FREM1: variants seen among roughly 807,000 people sequenced by gnomAD.
The protein encoded by FREM1 is FRAS1-related extracellular matrix protein 1.
In FREM1, 220 loss-of-function variants were observed where a neutral mutation model predicts 210.1. That is an observed-to-expected ratio of 1.05 (90% CI 0.94 to 1.17). FREM1 has a LOEUF of 1.17. FREM1 is among the 50% of genes most tolerant of loss of function. FREM1 has a pLI of 0.00. For synonymous variants in FREM1, 1,189 were observed against 980.2 expected (o/e 1.21, Z -3.98); for missense variants, 3,454 against 2,675.5 (o/e 1.29, Z -6.42).
chr9:14,890,578 T>C (rs1208707886), intron 1 of FREM1, among the ~76,000 whole-genome samples: 1 of 152,222 alleles, frequency 6.6e-6, no homozygotes, highest in Non-Finnish European at 1.5e-5. Context: ...CAAAACGGGT[T>C]CTTTGAGAAA....
intron 13 of FREM1, 85 bp from the exon 14 acceptor site, chr9:14,819,527 C>T: frequency 4.1e-6 from 3 of 726,934 alleles, no homozygotes; most frequent in South Asian, 2.1e-5. Context: ...GTAAAACTTC[C>T]AGTATTATCT....
At chr9:14,787,965 C>T (rs943538741) in intron 23 of FREM1, among the ~76,000 whole-genome samples, 2 of 152,128 alleles carry the variant, frequency 1.3e-5, no homozygotes, top group Non-Finnish European at 2.9e-5. Flanking sequence ...TCAATGTAAA[C>T]ATCTCAAGAT....
intron 10 of FREM1, among the ~76,000 whole-genome samples, chr9:14,831,119 G>A (rs1490039936): frequency 6.6e-6 from 1 of 152,178 alleles, no homozygotes; most frequent in Non-Finnish European, 1.5e-5. Context: ...GCCATCACGT[G>A]AGGCTGGGAA....
chr9:14,892,099 T>A (rs1032454869), intron 1 of FREM1, among the ~76,000 whole-genome samples: 1 of 152,118 alleles, frequency 6.6e-6, no homozygotes, highest in Non-Finnish European at 1.5e-5. Context: ...ACTTTCTGAG[T>A]ACCTAAGAAC....
At chr9:14,900,559 CA>C (rs1180103509) in intron 1 of FREM1, among the ~76,000 whole-genome samples, 1 of 152,004 alleles carries the variant, frequency 6.6e-6, no homozygotes, top group African/African-American at 2.4e-5. Context: ...AAGCAAGACC[CA>C]GTGTGGTGGT....
At chr9:14,807,502 G>C (rs1049752767) in intron 17 of FREM1, among the ~76,000 whole-genome samples, 7 of 152,022 alleles carry the variant, frequency 4.6e-5, no homozygotes, top group Non-Finnish European at 5.9e-5. Flanking sequence ...AAGCAAATAA[G>C]GTTAAATGTA....
chr9:14,798,743 G>A (rs182189042), intron 20 of FREM1, among the ~76,000 whole-genome samples: 17 of 152,066 alleles, frequency 1.1e-4, no homozygotes, highest in Non-Finnish European at 2.2e-4. Context: ...ACATGATATT[G>A]GCTCACTACA....
At chr9:14,757,958 T>C (rs1844738300) in intron 28 of FREM1, among the ~76,000 whole-genome samples, 1 of 152,198 alleles carries the variant, frequency 6.6e-6, no homozygotes, top group African/African-American at 2.4e-5. Flanking sequence ...GAAGTTGCAT[T>C]TCCCTGCATG....
intron 16 of FREM1, among the ~76,000 whole-genome samples, chr9:14,808,981 G>C (rs116955778): frequency 6.6e-6 from 1 of 152,188 alleles, no homozygotes; most frequent in Non-Finnish European, 1.5e-5. Context: ...GCAGTGATAC[G>C]GTTTGGTTGT....
At chr9:14,755,033 C>T (rs1306325622) in intron 29 of FREM1, among the ~76,000 whole-genome samples, 1 of 152,182 alleles carries the variant, frequency 6.6e-6, no homozygotes, top group South Asian at 2.1e-4. Flanking sequence ...GCAGCAGACA[C>T]TAAGAATGCC....
In FREM1 at chr9:14,759,886, C is replaced by T; in HGVS notation, c.5220G>A (p.Trp1740Ter). ...CGGTCTGTGACCATTCAATATGAGA[C>T]CACTTCAGTTCCAAACTGTGTGTGA... is the stretch of plus-strand genomic sequence containing the variant. ...SATPQILELK[W>*]SHIEWSQTEY... The change falls in exon 28 of 37, where the codon TGG (tryptophan) becomes TGA (stop). Residue 1740 changes from tryptophan to a stop codon, truncating the protein, a stop_gained. Coordinates refer to ENST00000380880, the MANE Select transcript of FREM1 (RefSeq NM_001379081.2). LOFTEE classifies it high-confidence loss of function. 1.9e-6 allele frequency: 3 copies of T among 1,610,868 alleles called. No homozygotes were observed. The highest frequency in any genetic ancestry group is 2.7e-5 in the African/African-American group (2 of 74,980).
Position 14,775,964 on chromosome 9 carries a change from C to G in FREM1, c.4682G>C (p.Gly1561Ala). ...CTGGGTGAAATTGTGTTGAAGTAGC[C>G]CTGTCCCCCACAGGTAGAGCTGGCC... is the stretch of plus-strand genomic sequence containing the variant. ...QHGQLYLWGT[G>A]LLQHNFTQQD... is the part of the protein sequence containing the mutation. Residue 1561 changes from glycine to alanine, a missense_variant, in exon 25 of 37, where the codon GGG becomes GCG. Coordinates refer to ENST00000380880, the MANE Select transcript of FREM1 (RefSeq NM_001379081.2). 6.2e-7 allele frequency: 1 copy of G among 1,613,908 alleles called. No homozygotes were observed. Among genetic ancestry groups the G allele is most frequent in the Non-Finnish European group, 8.5e-7 (1 of 1,179,880 alleles).
At position 14,836,121 on chromosome 9, in the gene FREM1, C is replaced by T. The variant is rs1245883276; in HGVS notation, c.1881+5326G>A. Among the ~76,000 whole-genome samples, 1 of 152,198 alleles carries T rather than the reference C, an allele frequency of 6.6e-6. No individual in the cohort carries two copies. Among genetic ancestry groups the T allele is most frequent in the Non-Finnish European group, 1.5e-5 (1 of 68,040 alleles). On this transcript the variant is annotated intron_variant, in intron 10 of 36. Transcript: ENST00000380880. The surrounding 1 kb of genome is among the most constrained non-coding windows in gnomAD (Gnocchi z 4.9). ...TTGGGAAAATAAAACCAAGGAACTTCATAGACCCCCAAAGGGGAGTTCTCT... is the reference window on the plus strand; with the variant it reads ...TTGGGAAAATAAAACCAAGGAACTTTATAGACCCCCAAAGGGGAGTTCTCT...
At chr9:14,761,020 G>A (rs1845402085) in intron 27 of FREM1, among the ~76,000 whole-genome samples, 1 of 152,114 alleles carries the variant, frequency 6.6e-6, no homozygotes, top group Non-Finnish European at 1.5e-5. Flanking sequence ...CAAACCTCTA[G>A]TCAGATTTAG....
intron 25 of FREM1, among the ~76,000 whole-genome samples, chr9:14,771,086 G>C (rs1847484193): frequency 6.6e-6 from 1 of 152,090 alleles, no homozygotes; most frequent in Non-Finnish European, 1.5e-5. Context: ...GAGAGGGCAG[G>C]CGTCAGGTCT....
Position 14,789,093 on chromosome 9 carries a change from G to C in FREM1, c.4003C>G (p.Leu1335Val). Residue 1335 changes from leucine (L) to valine (V), a missense_variant, in exon 23 of 37, where the codon CTC becomes GTC. Transcript: ENST00000380880. ...QLKIGRDWVP[L>V]SPGMKCTQEE... Reference sequence around the variant, plus strand: ...TGAGTGCATTTCATGCCAGGGGAGAGAGGAACCCAGTCCCTCCCTATCTGG... The same window carrying C: ...TGAGTGCATTTCATGCCAGGGGAGACAGGAACCCAGTCCCTCCCTATCTGG... 1.3e-6 allele frequency: 2 copies of C among 1,595,354 alleles called. No homozygotes were observed. Among genetic ancestry groups the C allele is most frequent in the African/African-American group, 1.3e-5 (1 of 74,750 alleles).
rs763439818 is a variant in FREM1 at position 14,841,513 on chromosome 9, G to T, written c.1815C>A (p.Ile605=). 1 of 1,612,302 alleles carries T rather than the reference G, an allele frequency of 6.2e-7. No homozygotes were observed. The highest frequency in any genetic ancestry group is 1.7e-5 in the Admixed American group (1 of 59,932). ...IIYYRHFGGE[I]FEDSFQFVLW... is the part of the protein sequence containing the mutation. The stretch of plus-strand genomic sequence containing the variant: ...GGACAAATTGAAAAGAATCTTCAAA[G>T]ATTTCTCCACCAAAATGACGATAAT... The change falls in exon 10 of 37, where the codon ATC becomes ATA. Residue 605 remains isoleucine, a synonymous_variant. Coordinates refer to ENST00000380880, the MANE Select transcript of FREM1 (RefSeq NM_001379081.2).
At position 14,807,969 on chromosome 9, in the gene FREM1, A is replaced by C. The variant is rs753133504; in HGVS notation, c.3059T>G (p.Val1020Gly). Residue 1020 changes from valine to glycine, a missense_variant, in exon 17 of 37, where the codon GTA (valine) becomes GGA (glycine). Val to Gly is a moderately radical substitution (Grantham distance 109). Transcript: ENST00000380880. The stretch of plus-strand genomic sequence containing the variant: ...TGCAATGGAAGGTGGCTGGTTGTCT[A>C]CTGGGTATACCGTGATGTTGAGATC... Reference protein sequence around the residue: ...VYDLNITVYPVDNQPPSIAIG... With the variant: ...VYDLNITVYPGDNQPPSIAIG... 1.9e-6 allele frequency: 3 copies of C among 1,613,614 alleles called. No individual in the cohort carries two copies. The East Asian group carries it at 6.7e-5, about 36-fold the overall frequency.
intron 13 of FREM1, among the ~76,000 whole-genome samples, chr9:14,819,725 C>A (rs1194897758): frequency 6.6e-6 from 1 of 152,154 alleles, no homozygotes; most frequent in Non-Finnish European, 1.5e-5. Flanking sequence ...GTAGAATTGG[C>A]AATCATTACT....
Sources: gnomAD v4.1 joint callset for allele counts (sites outside exome capture counted in the v4.1 genomes callset) on GRCh38, gnomAD v4.1.1 for gene constraint, Gnocchi (gnomAD v3.1) non-coding constraint, MANE v1.5 for transcripts, NCBI Gene and HGNC (gene_info 2026-07-23, HGNC 2026-07-21) for gene names.